The following DCT variants were observed in gnomAD, a reference collection of about 807,000 sequenced individuals.
The protein encoded by DCT is dopachrome tautomerase, also known as L-dopachrome tautomerase.
DCT carries 47 observed loss-of-function variants against 53.0 expected under a neutral mutation model. The ratio of observed to expected loss-of-function variants is 0.89; its 90% CI spans 0.70 to 1.13. The LOEUF (loss-of-function observed/expected upper bound fraction) is 1.13, where lower values mean the gene tolerates loss of function less well. Ranked by LOEUF, DCT falls within the 50% of genes most tolerant of loss-of-function variation. The pLI is 0.00. For synonymous variants in DCT, 244 were observed against 237.0 expected, an observed-to-expected ratio of 1.03 and a Z score of -0.27; for missense variants, 669 against 637.4, an observed-to-expected ratio of 1.05 and a Z score of -0.53.
rs1167377840 is a variant in DCT, at chr13:94,438,938, C to G, written c.*960G>C. The G allele has an allele frequency of 4.7e-5, 10 of 214,914 alleles. No homozygotes were observed. Among genetic ancestry groups the G allele is most frequent in the Non-Finnish European group, 8.5e-5 (9 of 105,808 alleles). 13.3% of individuals were successfully genotyped at this position (214,914 alleles called of 1,614,324 possible). ...GGGAATAATTTTTCATCTGAGGCTA[C>G]CTAGTAAAGAAATTGGTAGAGGATC... On this transcript the variant is annotated 3_prime_UTR_variant, in exon 8 of 8. Transcript: ENST00000377028.
chr13:94,463,776 G>C (rs1883976394), intron 4 of DCT, among the ~76,000 whole-genome samples: 1 of 152,112 alleles, frequency 6.6e-6, no homozygotes, highest in Non-Finnish European at 1.5e-5. Context: ...ATAGGACCCA[G>C]TATGTGAGAA....
At chr13:94,469,331 A>G (rs1884466698) in intron 1 of DCT, among the ~76,000 whole-genome samples, 1 of 152,178 alleles carries the variant, frequency 6.6e-6, no homozygotes, top group Non-Finnish European at 1.5e-5. Context: ...GCCCCAGTAT[A>G]CCTCGTATGT....
the DCT span, among the ~76,000 whole-genome samples, chr13:94,489,685 G>A: frequency 6.6e-6 from 1 of 151,976 alleles, no homozygotes; most frequent in East Asian, 1.9e-4. Flanking sequence ...TGGACAGCCA[G>A]GAAGGGGTGA....
rs942654069 is a variant in DCT at position 94,452,503 on chromosome 13, G to C, written c.1179+7588C>G. 6.1e-5 allele frequency: 40 copies of C among 655,700 alleles called. No individual in the cohort carries two copies. The Admixed American group carries it at 1.1e-3, about 17-fold the overall frequency. 40.6% of individuals were successfully genotyped at this position (655,700 alleles called of 1,614,324 possible). A position where few individuals can be genotyped will look rare whatever the true frequency, so the allele number is the denominator to read the frequency against. On this transcript the variant is annotated intron_variant, in intron 6 of 7. Transcript: ENST00000377028. ...CACATAGGTGACACACAGGTATTAG[G>C]AGGGAATATTGTCCAAACTTCTAGA...
intron 1 of DCT, among the ~76,000 whole-genome samples, chr13:94,476,738 A>G (rs570625895): frequency 6.6e-6 from 1 of 152,256 alleles, no homozygotes; most frequent in South Asian, 2.1e-4. Context: ...CTTGGCTCCC[A>G]AAGGCGTGAG....
the DCT span, among the ~76,000 whole-genome samples, chr13:94,508,998 G>C: frequency 6.6e-6 from 1 of 152,298 alleles, no homozygotes; most frequent in South Asian, 2.1e-4. Context: ...ACTACTGAGA[G>C]AGGTCAGTTT....
the DCT span, among the ~76,000 whole-genome samples, chr13:94,511,221 C>G: frequency 1.3e-5 from 2 of 152,146 alleles, no homozygotes; most frequent in African/African-American, 4.8e-5. Flanking sequence ...TGGGGACTGC[C>G]CTGCCCCTCC....
the DCT span, among the ~76,000 whole-genome samples, chr13:94,495,466 C>A: frequency 8.0e-3 from 1,220 of 152,298 alleles, 13 homozygotes; most frequent in African/African-American, 0.028. Context: ...GTACCCACTT[C>A]TACTCCCAAA....
chr13:94,490,379 C>G, the DCT span, among the ~76,000 whole-genome samples: 1 of 151,700 alleles, frequency 6.6e-6, no homozygotes, highest in East Asian at 1.9e-4. Flanking sequence ...GTGGTGCATG[C>G]CCATAGTCCC....
chr13:94,547,984 A>AAAATATAT, the DCT span, among the ~76,000 whole-genome samples: 132 of 65,820 alleles, frequency 2.0e-3, 1 homozygote, highest in African/African-American at 5.4e-3. Context: ...AAAAAAAAAA[A>AAAATATAT]ATATATATAT....
chr13:94,514,097 T>C, the DCT span, among the ~76,000 whole-genome samples: 1 of 151,478 alleles, frequency 6.6e-6, no homozygotes, highest in Non-Finnish European at 1.5e-5. Context: ...ACTAGGATCA[T>C]GGGCTGGGCA....
chr13:94,454,487 T>C (rs1182692505), intron 6 of DCT, among the ~76,000 whole-genome samples: 2 of 152,178 alleles, frequency 1.3e-5, no homozygotes, highest in Non-Finnish European at 2.9e-5. Flanking sequence ...CACTTAGCAT[T>C]TCTCTGGCCT....
At chr13:94,472,559 TATATATATA>T (rs1256613676) in intron 1 of DCT, among the ~76,000 whole-genome samples, 32 of 26,634 alleles carry the variant, frequency 1.2e-3, no homozygotes, top group African/African-American at 2.3e-3. Flanking sequence ...TATATATATA[TATATATATA>T]TTTTTTTTTT....
the DCT span, among the ~76,000 whole-genome samples, chr13:94,545,193 T>C: frequency 6.6e-6 from 1 of 152,100 alleles, no homozygotes; most frequent in Non-Finnish European, 1.5e-5. Context: ...ATGATGATGA[T>C]AAAAATGATC....
chr13:94,448,587 A>G (rs2031526), intron 6 of DCT, among the ~76,000 whole-genome samples: 121,453 of 152,194 alleles, frequency 0.8, 49,865 homozygotes, highest in African/African-American at 0.91. Flanking sequence ...AGGGTAGGAA[A>G]CAAAAGCAAA....
rs1334855128 is a variant in DCT, at chr13:94,472,544, ATATATATATATATATATATATATATTTTT to A, written c.296-3528_296-3500del. Among the ~76,000 whole-genome samples, 79 of 26,706 alleles carry A rather than the reference ATATATATATATATATATATATATATTTTT, an allele frequency of 3.0e-3. 2 individuals are homozygous for A. The highest frequency in any genetic ancestry group is 4.2e-3 in the Admixed American group (8 of 1,902). 17.5% of individuals were successfully genotyped at this position (26,706 alleles called of 152,430 possible). ...TACATATATATATATATATATATAT[ATATATATATATATATATATATATATTTTT>A]TTTTTTTTTTTTTTTTTTTTTTTTT... On this transcript the variant is annotated intron_variant, in intron 1 of 7. Coordinates refer to ENST00000377028, the MANE Select transcript of DCT (RefSeq NM_001922.5).
the DCT span, among the ~76,000 whole-genome samples, chr13:94,484,781 A>C: frequency 6.6e-6 from 1 of 152,090 alleles, no homozygotes; most frequent in Non-Finnish European, 1.5e-5. Context: ...TTCATTTTTA[A>C]CTTAATCTCC....
At chr13:94,443,396 A>C (rs757800570) in intron 7 of DCT, 40 bp downstream of exon 7, 2 of 1,437,048 alleles carry the variant, frequency 1.4e-6, no homozygotes, top group Non-Finnish European at 2.0e-6. Flanking sequence ...GCTTCTTTAG[A>C]AGATGAATGA....
the DCT span, among the ~76,000 whole-genome samples, chr13:94,541,272 G>A: frequency 2.1e-4 from 32 of 152,234 alleles, no homozygotes; most frequent in Admixed American, 9.2e-4. Flanking sequence ...GGGAGGCCGC[G>A]GCAGGTGGAT....
Sources: allele counts gnomAD v4.1 joint callset (sites outside exome capture counted in the v4.1 genomes callset), GRCh38; gene constraint gnomAD v4.1.1; transcripts MANE v1.5; gene names NCBI Gene and HGNC (gene_info 2026-07-23, HGNC 2026-07-21).